The following KLF8 variants were observed in gnomAD, a reference collection of about 807,000 sequenced individuals.
The protein encoded by KLF8 is KLF transcription factor 8.
KLF8 carries 10 observed loss-of-function variants against 18.2 expected under a neutral mutation model. The observed-to-expected ratio is 0.55, with a 90% CI of 0.34 to 0.93. The LOEUF (loss-of-function observed/expected upper bound fraction) is 0.93. Among genes scored for constraint, KLF8 ranks in the 40% least tolerant of loss-of-function variants. The pLI, the probability that KLF8 is intolerant of heterozygous loss-of-function variation, is 0.02. For missense variants in KLF8, 264 were observed against 277.9 expected, an observed-to-expected ratio of 0.95 and a Z score of 0.36; for synonymous variants, 109 against 97.3, an observed-to-expected ratio of 1.12 and a Z score of -0.71.
the KLF8 span, among the ~76,000 whole-genome samples, chrX:56,080,657 G>A: frequency 9.0e-6 from 1 of 110,817 alleles, no homozygotes; most frequent in Non-Finnish European, 1.9e-5. Context: ...GAGTATCTTT[G>A]TGGCATTCTC....
At chrX:56,278,011 C>T (rs1041672035) in intron 5 of KLF8, among the ~76,000 whole-genome samples, 2 of 112,534 alleles carry the variant, frequency 1.8e-5, no homozygotes, top group African/African-American at 6.5e-5. Context: ...TTCAGCTTAT[C>T]GTGAATGCTG....
chrX:56,086,224 A>T, the KLF8 span, among the ~76,000 whole-genome samples: 1 of 111,607 alleles, frequency 9.0e-6, no homozygotes, highest in African/African-American at 3.3e-5. Context: ...TGATTGGAAA[A>T]CTTAGTAAAT....
chrX:56,233,260 C>T lies in KLF8; in HGVS notation c.-75C>T, dbSNP rs1361916959. On this transcript the variant is annotated 5_prime_UTR_variant, in exon 1 of 6. Transcript: ENST00000468660. ...GGGTGTGAGGGGAACAGCTCTCTTG[C>T]GATCAGCTCAGGAGTATGAGCCTCC... 8.5e-7 allele frequency: 1 copy of T among 1,180,658 alleles called. No homozygotes were observed. The highest frequency in any genetic ancestry group is 1.2e-6 in the Non-Finnish European group (1 of 868,905).
intron 4 of KLF8, among the ~76,000 whole-genome samples, chrX:56,269,826 G>A (rs1416870240): frequency 8.9e-6 from 1 of 112,206 alleles, no homozygotes; most frequent in Non-Finnish European, 1.9e-5. Context: ...CTAATTGGAA[G>A]TAGTTGGCTT....
the KLF8 span, among the ~76,000 whole-genome samples, chrX:56,162,766 A>C: frequency 1.8e-5 from 2 of 110,978 alleles, no homozygotes; most frequent in Non-Finnish European, 3.8e-5. Flanking sequence ...CGTATGCTGC[A>C]TCCACTGTCC....
the KLF8 span, among the ~76,000 whole-genome samples, chrX:56,143,642 C>G: frequency 1.8e-5 from 2 of 111,700 alleles, no homozygotes; most frequent in African/African-American, 6.5e-5. Flanking sequence ...AAGTTTCACC[C>G]CAACCCTTAC....
chrX:55,947,043 T>C, the KLF8 span, among the ~76,000 whole-genome samples: 1 of 111,685 alleles, frequency 9.0e-6, no homozygotes, highest in Non-Finnish European at 1.9e-5. Context: ...TTGGTGGGAC[T>C]GTAAACTAGT....
the KLF8 span, among the ~76,000 whole-genome samples, chrX:56,150,497 C>G: frequency 9.0e-6 from 1 of 111,729 alleles, no homozygotes; most frequent in African/African-American, 3.3e-5. Context: ...GGTACAACAC[C>G]TGGGATGTAG....
chrX:56,080,799 A>G, the KLF8 span, among the ~76,000 whole-genome samples: 3 of 111,463 alleles, frequency 2.7e-5, no homozygotes, highest in Non-Finnish European at 1.9e-5. Flanking sequence ...TCAGACGTAG[A>G]TTTGGTCTTT....
At chrX:56,123,196 G>A in the KLF8 span, among the ~76,000 whole-genome samples, 1 of 108,860 alleles carries the variant, frequency 9.2e-6, no homozygotes, top group Non-Finnish European at 1.9e-5. Flanking sequence ...CCCCAAGCAT[G>A]TTTGACAGAG....
chrX:56,051,397 C>A, the KLF8 span, among the ~76,000 whole-genome samples: 5 of 110,305 alleles, frequency 4.5e-5, no homozygotes, highest in African/African-American at 1.3e-4. Context: ...GATTTTGCAG[C>A]GGCTGGTGCC....
chrX:55,989,431 A>G, the KLF8 span, among the ~76,000 whole-genome samples: 1 of 112,393 alleles, frequency 8.9e-6, no homozygotes, highest in African/African-American at 3.2e-5. Context: ...GAATTCTGTC[A>G]AAGGCCTTTT....
chrX:55,958,825 G>A, the KLF8 span, among the ~76,000 whole-genome samples: 5 of 112,360 alleles, frequency 4.4e-5, no homozygotes, highest in African/African-American at 6.5e-5. Flanking sequence ...GAAGAGAGAC[G>A]GTTTGGGCAC....
At chrX:56,038,594 C>G in the KLF8 span, among the ~76,000 whole-genome samples, 3 of 112,640 alleles carry the variant, frequency 2.7e-5, no homozygotes, top group African/African-American at 9.7e-5. Context: ...ATATGTACCA[C>G]ATTTTCTTTA....
chrX:55,954,833 C>A, the KLF8 span, among the ~76,000 whole-genome samples: 1 of 111,730 alleles, frequency 9.0e-6, no homozygotes, highest in Non-Finnish European at 1.9e-5. Context: ...TATATCCGTA[C>A]AATGGAATAA....
chrX:56,251,979 A>G (rs1233197938), intron 2 of KLF8, among the ~76,000 whole-genome samples: 2 of 111,257 alleles, frequency 1.8e-5, no homozygotes, highest in Non-Finnish European at 3.8e-5. Flanking sequence ...TCACCCTATC[A>G]TGCTATCAAA....
the KLF8 span, among the ~76,000 whole-genome samples, chrX:56,126,925 G>A: frequency 9.2e-6 from 1 of 108,165 alleles, no homozygotes; most frequent in Non-Finnish European, 1.9e-5. Context: ...GCTAATTTTT[G>A]TATTTTCAGT....
the KLF8 span, among the ~76,000 whole-genome samples, chrX:56,089,353 C>T: frequency 2.1e-4 from 23 of 111,962 alleles, no homozygotes; most frequent in Admixed American, 3.8e-4. Context: ...CCTACAATAG[C>T]GGTGGTACAT....
the KLF8 span, among the ~76,000 whole-genome samples, chrX:56,036,115 GAC>G: frequency 2.7e-5 from 3 of 110,494 alleles, no homozygotes; most frequent in Non-Finnish European, 5.7e-5. Flanking sequence ...TTTTTTAATT[GAC>G]ACATAATAAT....
Sources: gnomAD v4.1 joint callset for allele counts (sites outside exome capture counted in the v4.1 genomes callset) on GRCh38, gnomAD v4.1.1 for gene constraint, MANE v1.5 for transcripts, NCBI Gene and HGNC (gene_info 2026-07-23, HGNC 2026-07-21) for gene names.